DNAJC5B: variants seen among roughly 807,000 people sequenced by gnomAD.
DNAJC5B encodes dnaJ homolog subfamily C member 5B.
A neutral mutation model predicts 24.7 loss-of-function variants in DNAJC5B; 23 were observed. That is an observed-to-expected ratio of 0.93 (90% CI 0.67 to 1.32). The LOEUF is 1.32. Among genes scored for constraint, DNAJC5B ranks in the 40% most tolerant of loss-of-function variants. DNAJC5B has a pLI of 0.00. For synonymous variants in DNAJC5B, 101 were observed against 90.1 expected, an observed-to-expected ratio of 1.12 and a Z score of -0.68; for missense variants, 238 against 240.8, an observed-to-expected ratio of 0.99 and a Z score of 0.08.
intron 2 of DNAJC5B, among the ~76,000 whole-genome samples, chr8:66,047,662 C>T (rs992374957): frequency 2.0e-5 from 3 of 152,180 alleles, no homozygotes; most frequent in Non-Finnish European, 2.9e-5. Context: ...TGTTCTCCTT[C>T]CCTTTCATGC....
chr8:66,061,902 C>A (rs1807090468), intron 3 of DNAJC5B, among the ~76,000 whole-genome samples: 1 of 152,092 alleles, frequency 6.6e-6, no homozygotes. Flanking sequence ...CCAAACATCC[C>A]ACCGAGAGTG....
Position 66,058,361 on chromosome 8 carries a change from A to G in DNAJC5B, c.119+6695A>G, listed in dbSNP as rs182213144. Among the ~76,000 whole-genome samples, 156 of 152,292 alleles carry G rather than the reference A, an allele frequency of 1.0e-3. No homozygotes were observed. In the East Asian group the frequency reaches 0.019, roughly 19 times the overall value. ...CAGAAAGGTAGATAGAGGTGGGGAA[A>G]GGGAAACAATCTTGGTTCCTGATCC... On this transcript the variant is annotated intron_variant, in intron 3 of 5. Coordinates refer to ENST00000276570, the MANE Select transcript of DNAJC5B (RefSeq NM_033105.6).
At chr8:66,027,297 G>A (rs886831398) in intron 1 of DNAJC5B, among the ~76,000 whole-genome samples, 2 of 152,196 alleles carry the variant, frequency 1.3e-5, no homozygotes, top group African/African-American at 4.8e-5. Flanking sequence ...CTCTTCCATA[G>A]ACATCTTCCT....
intron 2 of DNAJC5B, among the ~76,000 whole-genome samples, chr8:66,047,810 GT>G (rs1563593328): frequency 6.6e-6 from 1 of 152,172 alleles, no homozygotes; most frequent in Non-Finnish European, 1.5e-5. Flanking sequence ...AGTGAATAAT[GT>G]TTTGTTGAGC....
chr8:66,039,887 A>T lies in DNAJC5B; in HGVS notation c.-141-3601A>T, dbSNP rs73241291. Among the ~76,000 whole-genome samples the T allele has an allele frequency of 6.2e-3, 950 of 152,302 alleles. 7 individuals carry two copies. Among genetic ancestry groups the T allele is most frequent in the African/African-American group, 0.011 (438 of 41,566 alleles). ...AGATTCAAATTCTTAAAGCTCTTCC[A>T]ATGTACTTTGTTCCCATTTTGGGGG... On this transcript the variant is annotated intron_variant, in intron 1 of 5. Coordinates refer to ENST00000276570, the MANE Select transcript of DNAJC5B (RefSeq NM_033105.6).
chr8:66,052,677 C>G (rs1193223828), intron 3 of DNAJC5B, among the ~76,000 whole-genome samples: 1 of 152,150 alleles, frequency 6.6e-6, no homozygotes, highest in Non-Finnish European at 1.5e-5. Flanking sequence ...TGTCAGTCCT[C>G]TAAGAATTCC....
rs747406976 is a variant in DNAJC5B at position 66,044,568 on chromosome 8, G to A, written c.-18+957G>A. ...AATCTTTAAAATTTTTGTTAACTTT[G>A]AGTCAGTGCCTATTGTCATTGGGGG... On this transcript the variant is annotated intron_variant, in intron 2 of 5. Coordinates refer to ENST00000276570, the MANE Select transcript of DNAJC5B (RefSeq NM_033105.6). 1.5e-4 allele frequency among the ~76,000 whole-genome samples: 23 copies of A among 152,226 alleles called. 1 individual carries two copies. In the South Asian group the frequency reaches 2.3e-3, roughly 15 times the overall value.
chr8:66,038,166 G>A (rs1052268757), intron 1 of DNAJC5B, among the ~76,000 whole-genome samples: 1 of 152,214 alleles, frequency 6.6e-6, no homozygotes, highest in Non-Finnish European at 1.5e-5. Context: ...ACCCTCATGA[G>A]TGATGTTCAG....
At chr8:66,082,993 C>CTTTTT (rs1807630962) in intron 5 of DNAJC5B, among the ~76,000 whole-genome samples, 1 of 121,990 alleles carries the variant, frequency 8.2e-6, no homozygotes, top group East Asian at 2.2e-4. Context: ...GTAATATTTT[C>CTTTTT]TTTTCTTTTC....
intron 5 of DNAJC5B, among the ~76,000 whole-genome samples, chr8:66,098,460 A>G (rs1313943560): frequency 6.6e-6 from 1 of 151,622 alleles, no homozygotes; most frequent in Non-Finnish European, 1.5e-5. Context: ...TTCGGCCTCC[A>G]AAAGTGCTGG....
rs914600377 is a variant in DNAJC5B, at chr8:66,071,706, A to G, written c.120-4954A>G. On this transcript the variant is annotated intron_variant, in intron 3 of 5. Coordinates refer to ENST00000276570, the MANE Select transcript of DNAJC5B (RefSeq NM_033105.6). ...CCAGCAATCCCATTACTGGGTATAT[A>G]CCCAAAGGATTATAAATCATTCTAC... Among the ~76,000 whole-genome samples, 4 of 152,214 alleles carry G rather than the reference A, an allele frequency of 2.6e-5. No individual in the cohort carries two copies. In the East Asian group the frequency reaches 5.8e-4, roughly 22 times the overall value.
At chr8:66,069,837 A>G (rs929157543) in intron 3 of DNAJC5B, among the ~76,000 whole-genome samples, 1 of 152,266 alleles carries the variant, frequency 6.6e-6, no homozygotes, top group African/African-American at 2.4e-5. Flanking sequence ...CGAATCCAGC[A>G]GCACATCAAA....
At chr8:66,069,132 C>T (rs992416836) in intron 3 of DNAJC5B, among the ~76,000 whole-genome samples, 14 of 150,944 alleles carry the variant, frequency 9.3e-5, no homozygotes, top group African/African-American at 2.9e-4. Context: ...GAAATTAATC[C>T]AACAAGAAGG....
intron 1 of DNAJC5B, among the ~76,000 whole-genome samples, chr8:66,038,818 A>G (rs1273777832): frequency 6.6e-6 from 1 of 152,226 alleles, no homozygotes; most frequent in Non-Finnish European, 1.5e-5. Flanking sequence ...TCCTTGGTTT[A>G]TTACAGCAAT....
At chr8:66,021,375 G>C (rs542198588), upstream of DNAJC5B, among the ~76,000 whole-genome samples, 2 of 152,302 alleles carry the variant, frequency 1.3e-5, no homozygotes, top group African/African-American at 4.8e-5. Context: ...ACAAGGTTTT[G>C]AATGGCAGAG....
intron 1 of DNAJC5B, among the ~76,000 whole-genome samples, chr8:66,031,767 C>A (rs944584995): frequency 1.3e-5 from 2 of 152,166 alleles, no homozygotes; most frequent in Non-Finnish European, 2.9e-5. Context: ...GATGGCCACT[C>A]ACAGTGAGGG....
intron 5 of DNAJC5B, among the ~76,000 whole-genome samples, chr8:66,087,044 A>AT (rs1395743462): frequency 6.6e-6 from 1 of 152,190 alleles, no homozygotes; most frequent in African/African-American, 2.4e-5. Context: ...CAGTTACTGT[A>AT]TTAGTCTGTT....
chr8:66,089,331 A>G (rs546043843), intron 5 of DNAJC5B, among the ~76,000 whole-genome samples: 1 of 152,360 alleles, frequency 6.6e-6, no homozygotes, highest in African/African-American at 2.4e-5. Flanking sequence ...TTACTATTCA[A>G]GATGAGATTT....
intron 2 of DNAJC5B, among the ~76,000 whole-genome samples, chr8:66,048,147 C>T (rs1192192498): frequency 6.6e-6 from 1 of 152,196 alleles, no homozygotes; most frequent in Admixed American, 6.5e-5. Context: ...CACCCAGCTG[C>T]TCACCCTCAC....
Sources: gnomAD v4.1 joint callset for allele counts (sites outside exome capture counted in the v4.1 genomes callset) on GRCh38, gnomAD v4.1.1 for gene constraint, MANE v1.5 for transcripts, NCBI Gene and HGNC (gene_info 2026-07-23, HGNC 2026-07-21) for gene names.